Variants in ELP4 observed in about 807,000 individuals in gnomAD.
The protein encoded by ELP4 is elongator acetyltransferase complex subunit 4.
In ELP4, 51 loss-of-function variants were observed where a neutral mutation model predicts 48.9. That is an observed-to-expected ratio of 1.04 (90% CI 0.83 to 1.32). The LOEUF (loss-of-function observed/expected upper bound fraction) is 1.32. Among genes scored for constraint, ELP4 ranks in the 40% most tolerant of loss-of-function variants. The pLI, the probability that ELP4 is intolerant of heterozygous loss-of-function variation, is 0.00. For missense variants in ELP4, 519 were observed against 514.6 expected (o/e 1.01, Z -0.08); for synonymous variants, 210 against 189.2 (o/e 1.11, Z -0.90).
chr11:31,750,022 ATT>A (rs879322563), intron 9 of ELP4, among the ~76,000 whole-genome samples: 4 of 142,818 alleles, frequency 2.8e-5, no homozygotes, highest in African/African-American at 7.7e-5. Flanking sequence ...TGCCCAGCTA[ATT>A]TTTTTTTTTT....
intron 3 of ELP4, chr11:31,541,548 CTA>C (rs1956591217): frequency 6.6e-6 from 1 of 152,154 alleles, no homozygotes; most frequent in Non-Finnish European, 1.5e-5. Flanking sequence ...TATCAAACAT[CTA>C]TATAGCCATC....
chr11:31,516,984 G>GT (rs1289779175), intron 1 of ELP4, among the ~76,000 whole-genome samples: 6 of 151,928 alleles, frequency 3.9e-5, no homozygotes, highest in African/African-American at 1.5e-4. Context: ...AATATACTAG[G>GT]TTTTTTCATT....
chr11:31,686,916 G>GGGGGT (rs1235905994), intron 9 of ELP4, among the ~76,000 whole-genome samples: 2 of 151,980 alleles, frequency 1.3e-5, no homozygotes, highest in African/African-American at 4.8e-5. Flanking sequence ...AGATTGGAGT[G>GGGGGT]GGGGTGGGGT....
intron 9 of ELP4, among the ~76,000 whole-genome samples, chr11:31,691,518 T>C (rs1043195543): frequency 6.6e-6 from 1 of 152,116 alleles, no homozygotes; most frequent in Non-Finnish European, 1.5e-5. Context: ...GTGTTTAAAA[T>C]TGATTTAGTG....
intron 3 of ELP4, among the ~76,000 whole-genome samples, chr11:31,558,044 T>C (rs550787573): frequency 7.9e-5 from 12 of 152,102 alleles, no homozygotes; most frequent in African/African-American, 1.2e-4. Flanking sequence ...ATTTTATTTG[T>C]TCAGAAAGTT....
intron 6 of ELP4, among the ~76,000 whole-genome samples, chr11:31,630,898 T>A (rs1192810962): frequency 6.6e-6 from 1 of 151,880 alleles, no homozygotes; most frequent in Non-Finnish European, 1.5e-5. Flanking sequence ...TAAGCTATAG[T>A]AAGGCCACTG....
intron 6 of ELP4, among the ~76,000 whole-genome samples, chr11:31,627,655 A>T (rs1944774808): frequency 6.6e-6 from 1 of 152,032 alleles, no homozygotes; most frequent in South Asian, 2.1e-4. Context: ...GCCATATTAA[A>T]TATTTTATAA....
chr11:31,667,782 T>C (rs1005455990), intron 9 of ELP4, among the ~76,000 whole-genome samples: 1 of 152,188 alleles, frequency 6.6e-6, no homozygotes, highest in African/African-American at 2.4e-5. Context: ...ATATTCTTTA[T>C]GCCAAAAGCA....
At position 31,662,545 on chromosome 11, in the gene ELP4, C is replaced by T. The variant is rs12273788; in HGVS notation, c.1143+12324C>T. 5.4e-4 allele frequency: 216 copies of T among 397,770 alleles called. 3 individuals carry two copies. Among genetic ancestry groups the T allele is most frequent in the African/African-American group, 4.2e-3 (206 of 48,714 alleles). 24.6% of individuals were successfully genotyped at this position (397,770 alleles called of 1,614,324 possible). On this transcript the variant is annotated intron_variant, in intron 9 of 9. Coordinates refer to ENST00000640961, the MANE Select transcript of ELP4 (RefSeq NM_019040.5). ...TCACAGTGCATCACTAAGTTGAGAT[C>T]TTACGACCTGCGAAGGCAAAGATAT...
At chr11:31,696,478 T>G (rs1946409461) in intron 9 of ELP4, among the ~76,000 whole-genome samples, 1 of 152,166 alleles carries the variant, frequency 6.6e-6, no homozygotes. Flanking sequence ...TTGAGTGATT[T>G]TGAGAGAGTT....
intron 3 of ELP4, among the ~76,000 whole-genome samples, chr11:31,562,815 A>G (rs1957043615): frequency 6.6e-6 from 1 of 152,094 alleles, no homozygotes; most frequent in African/African-American, 2.4e-5. Context: ...TATACCCCTT[A>G]ACCTGACTTT....
chr11:31,587,957 A>G (rs1038198808), intron 3 of ELP4, among the ~76,000 whole-genome samples: 10 of 152,182 alleles, frequency 6.6e-5, no homozygotes, highest in Non-Finnish European at 1.3e-4. Flanking sequence ...TATAGTTGAT[A>G]GTTGAAGTCT....
At chr11:31,651,706 GT>G in intron 9 of ELP4, 1 of 151,766 alleles carries the variant, frequency 6.6e-6, no homozygotes, top group East Asian at 1.9e-4. Flanking sequence ...GAAGACGTAA[GT>G]TTTTTCTCTC....
intron 2 of ELP4, among the ~76,000 whole-genome samples, chr11:31,535,615 G>A (rs1956486373): frequency 6.6e-6 from 1 of 152,132 alleles, no homozygotes; most frequent in Non-Finnish European, 1.5e-5. Flanking sequence ...CAAAGCATGA[G>A]GATTACAGAA....
chr11:31,630,677 C>T (rs1348887113), intron 6 of ELP4, among the ~76,000 whole-genome samples: 6 of 152,042 alleles, frequency 3.9e-5, no homozygotes, highest in African/African-American at 1.4e-4. Context: ...CAGTATCTAA[C>T]ACCTGTAATC....
chr11:31,742,903 T>C (rs1446948952), intron 9 of ELP4, among the ~76,000 whole-genome samples: 1 of 152,076 alleles, frequency 6.6e-6, no homozygotes, highest in African/African-American at 2.4e-5. Flanking sequence ...CATAACAATA[T>C]TAACTTTAAA....
chr11:31,679,878 G>T (rs1002430069), intron 9 of ELP4, among the ~76,000 whole-genome samples: 1 of 152,144 alleles, frequency 6.6e-6, no homozygotes, highest in Non-Finnish European at 1.5e-5. Flanking sequence ...GGAAAGAACT[G>T]AAATCTTGAC....
At chr11:31,651,075 C>T (rs1254271028) in intron 9 of ELP4, 1 of 151,682 alleles carries the variant, frequency 6.6e-6, no homozygotes, top group African/African-American at 2.4e-5. Context: ...ATATTTTTAA[C>T]TTCATCACCA....
At chr11:31,744,912 A>G (rs1947546350) in intron 9 of ELP4, among the ~76,000 whole-genome samples, 1 of 152,190 alleles carries the variant, frequency 6.6e-6, no homozygotes, top group Admixed American at 6.5e-5. Flanking sequence ...GGGGAAGGAA[A>G]TAAAGGGTAT....
Sources: allele counts gnomAD v4.1 joint callset (sites outside exome capture counted in the v4.1 genomes callset), GRCh38; gene constraint gnomAD v4.1.1; transcripts MANE v1.5; gene names NCBI Gene and HGNC (gene_info 2026-07-23, HGNC 2026-07-21).